CEP85L: variants seen among roughly 807,000 people sequenced by gnomAD.
The protein encoded by CEP85L is centrosomal protein 85L, also known as centrosomal protein of 85 kDa-like.
CEP85L carries 60 observed loss-of-function variants against 100.3 expected under a neutral mutation model. The ratio of observed to expected loss-of-function variants is 0.60; its 90% CI spans 0.49 to 0.74. CEP85L has a LOEUF of 0.74. Among genes scored for constraint, CEP85L ranks in the 30% least tolerant of loss-of-function variants. The pLI, the probability that CEP85L is intolerant of heterozygous loss-of-function variation, is 0.00. For missense variants in CEP85L, 973 were observed against 936.2 expected (o/e 1.04, Z -0.51); for synonymous variants, 319 against 322.7 (o/e 0.99, Z 0.12).
chr6:118,613,178 TCCAGC>T (rs1306054857), intron 2 of CEP85L, among the ~76,000 whole-genome samples: 1 of 151,814 alleles, frequency 6.6e-6, no homozygotes, highest in East Asian at 1.9e-4. Flanking sequence ...GCCACTGTAC[TCCAGC>T]CTGGGCAACA....
At chr6:118,697,378 C>T (rs762072737) in intron 1 of CEP85L, among the ~76,000 whole-genome samples, 1 of 152,188 alleles carries the variant, frequency 6.6e-6, no homozygotes, top group African/African-American at 2.4e-5. Context: ...TTTCCACTTC[C>T]ATGAAAATCT....
In CEP85L at chr6:118,708,136, C is replaced by T. The variant is rs191341515; in HGVS notation, c.-28+1900G>A. Among the ~76,000 whole-genome samples the T allele has an allele frequency of 2.4e-3, 368 of 152,348 alleles. 1 individual carries two copies. The highest frequency in any genetic ancestry group is 3.9e-3 in the Non-Finnish European group (265 of 68,036). On this transcript the variant is annotated intron_variant, in intron 1 of 13. Transcript: ENST00000368488. ...AAGATATCTTTGGGAATATTCATTT[C>T]TTCCTGCAAATATTTATTAAGTTCG...
At chr6:118,665,077 A>T (rs1482187647) in intron 1 of CEP85L, among the ~76,000 whole-genome samples, 1 of 152,102 alleles carries the variant, frequency 6.6e-6, no homozygotes, top group East Asian at 1.9e-4. Context: ...TCCTTCAGGG[A>T]GTATGCTTTC....
intron 1 of CEP85L, among the ~76,000 whole-genome samples, chr6:118,687,615 CA>C (rs1394832492): frequency 2.0e-5 from 3 of 152,208 alleles, no homozygotes; most frequent in Non-Finnish European, 4.4e-5. Flanking sequence ...GATATAAACC[CA>C]GGCATTCGAG....
rs1233429476 is a variant in CEP85L at position 118,566,327 on chromosome 6, A to G, written c.233-11T>C. On this transcript the variant is annotated splice_polypyrimidine_tract_variant and intron_variant, in intron 2 of 12. Coordinates refer to ENST00000368491, the MANE Select transcript of CEP85L (RefSeq NM_001042475.3). ...TTGAAGTTGAATGATCTGGAAAGAA[A>G]AAAGATGGTCAAATTAGTTACAATT... 6.3e-7 allele frequency: 1 copy of G among 1,598,520 alleles called. No individual in the cohort carries two copies. Among genetic ancestry groups the G allele is most frequent in the South Asian group, 1.1e-5 (1 of 89,080 alleles).
intron 6 of CEP85L, among the ~76,000 whole-genome samples, chr6:118,490,905 C>T (rs1281857864): frequency 6.6e-6 from 1 of 150,598 alleles, no homozygotes; most frequent in African/African-American, 2.4e-5. Flanking sequence ...ACACACACCA[C>T]ATTTTCTTTA....
chr6:118,541,450 C>G (rs1251600834), intron 3 of CEP85L, among the ~76,000 whole-genome samples: 2 of 152,190 alleles, frequency 1.3e-5, no homozygotes, highest in African/African-American at 4.8e-5. Flanking sequence ...TCCACTGGAA[C>G]ATTTTTACAT....
chr6:118,543,819 C>A (rs1283545185), intron 3 of CEP85L, among the ~76,000 whole-genome samples: 2 of 152,192 alleles, frequency 1.3e-5, no homozygotes, highest in Non-Finnish European at 2.9e-5. Flanking sequence ...AAAAAGTTCT[C>A]AGCATGTGAA....
At position 118,470,623 on chromosome 6, in the gene CEP85L, T is replaced by G; in HGVS notation, c.1936A>C (p.Lys646Gln). 6.2e-7 allele frequency: 1 copy of G among 1,602,274 alleles called. No individual in the cohort carries two copies. Among genetic ancestry groups the G allele is most frequent in the Non-Finnish European group, 8.5e-7 (1 of 1,174,240 alleles). Residue 646 changes from lysine (K) to glutamine (Q), a missense_variant, in exon 11 of 13, where the codon AAA becomes CAA. Coordinates refer to ENST00000368491, the MANE Select transcript of CEP85L (RefSeq NM_001042475.3). ...ATCTTTTGAGTGGTCAGTTTCTCTT[T>G]AGAAAGCTTTCCTTGCATAGACTAG... ...EIQSMQGKLS[K>Q]EKLTTQKMME...
At chr6:118,588,524 TCTACAGGTA>T (rs2115108063) in intron 2 of CEP85L, among the ~76,000 whole-genome samples, 2 of 152,166 alleles carry the variant, frequency 1.3e-5, no homozygotes, top group African/African-American at 4.8e-5. Flanking sequence ...TTAAGGAAAA[TCTACAGGTA>T]CTTAAAGATC....
At chr6:118,495,116 G>T (rs559279063) in intron 5 of CEP85L, among the ~76,000 whole-genome samples, 1 of 148,170 alleles carries the variant, frequency 6.7e-6, no homozygotes, top group East Asian at 2.0e-4. Context: ...TTCCAATACT[G>T]AAAAAGAGAA....
intron 2 of CEP85L, among the ~76,000 whole-genome samples, chr6:118,575,206 C>T (rs906800569): frequency 6.6e-6 from 1 of 152,174 alleles, no homozygotes; most frequent in African/African-American, 2.4e-5. Flanking sequence ...AAGGAAAAGA[C>T]AGACAATATA....
chr6:118,590,260 C>A (rs976907910), intron 2 of CEP85L, among the ~76,000 whole-genome samples: 3 of 152,106 alleles, frequency 2.0e-5, no homozygotes, highest in South Asian at 2.1e-4. Context: ...ACAGATAGGA[C>A]AAGGGGTCCT....
At chr6:118,543,888 C>T (rs938863419) in intron 3 of CEP85L, among the ~76,000 whole-genome samples, 6 of 152,026 alleles carry the variant, frequency 3.9e-5, no homozygotes, top group African/African-American at 9.7e-5. Flanking sequence ...AGAGTCACAA[C>T]GAAGGGTAGA....
Position 118,566,066 on chromosome 6 carries a change from T to G in CEP85L, c.483A>C (p.Lys161Asn). The change falls in exon 3 of 13, where the codon AAA becomes AAC. Residue 161 changes from lysine to asparagine, a missense_variant. Physicochemically the swap from Lys to Asn is moderately conservative, Grantham distance 94. Around this residue, in one of 3 missense-constraint regions of CEP85L, gnomAD observed 890 missense variants for 844.5 expected, o/e 1.05. Transcript: ENST00000368491. ...RPLRKWSSLS[K>N]LTAPDNCGQG... ...GGCCACAGTTATCCGGGGCAGTGAG[T>G]TTGGATAAAGATGACCATTTCCGAA... 6.2e-7 allele frequency: 1 copy of G among 1,614,112 alleles called. No individual in the cohort carries two copies. Among genetic ancestry groups the G allele is most frequent in the Non-Finnish European group, 8.5e-7 (1 of 1,180,034 alleles).
upstream of CEP85L, among the ~76,000 whole-genome samples, chr6:118,657,384 G>A (rs1189622157): frequency 1.3e-5 from 2 of 152,188 alleles, no homozygotes; most frequent in Non-Finnish European, 2.9e-5. Context: ...TTGGGAGGCT[G>A]AGGCTGGCAG....
chr6:118,538,581 A>G (rs1223583769), intron 3 of CEP85L, among the ~76,000 whole-genome samples: 2 of 152,028 alleles, frequency 1.3e-5, no homozygotes, highest in African/African-American at 2.4e-5. Flanking sequence ...TAGTATTATC[A>G]TGTCTTTAAA....
intron 2 of CEP85L, among the ~76,000 whole-genome samples, chr6:118,567,135 C>G (rs1033216486): frequency 4.0e-5 from 6 of 151,042 alleles, no homozygotes; most frequent in Non-Finnish European, 8.8e-5. Context: ...GAAAAATAGT[C>G]CCAAAGGGTT....
chr6:118,572,502 G>C (rs1222812914), intron 2 of CEP85L, among the ~76,000 whole-genome samples: 1 of 151,784 alleles, frequency 6.6e-6, no homozygotes, highest in East Asian at 2.0e-4. Flanking sequence ...AACCCGGGAG[G>C]CAGAGGTTGC....
Sources: gnomAD v4.1 joint callset for allele counts (sites outside exome capture counted in the v4.1 genomes callset) on GRCh38, gnomAD v4.1.1 for gene constraint, gnomAD v4.1.1 regional missense constraint, MANE v1.5 for transcripts, NCBI Gene and HGNC (gene_info 2026-07-23, HGNC 2026-07-21) for gene names.